The following GTF2IRD1 variants were observed in gnomAD, a reference collection of about 807,000 sequenced individuals.
GTF2IRD1 encodes the protein GTF2I repeat domain containing 1.
A neutral mutation model predicts 113.2 loss-of-function variants in GTF2IRD1; 26 were observed. That is an observed-to-expected ratio of 0.23 (90% confidence interval 0.17 to 0.32). The LOEUF is 0.32. Among genes scored for constraint, GTF2IRD1 ranks in the 10% least tolerant of loss-of-function variants. The probability of loss-of-function intolerance (pLI) is 1.00; values close to 1 mark genes in which losing one functional copy is unlikely to be tolerated. For synonymous variants in GTF2IRD1, 484 were observed against 529.1 expected (o/e 0.91, Z 1.17); for missense variants, 864 against 1,280.8 (o/e 0.67, Z 4.97).
intron 3 of GTF2IRD1, among the ~76,000 whole-genome samples, chr7:74,513,494 G>A (rs1189937003): frequency 1.3e-5 from 2 of 152,032 alleles, no homozygotes; most frequent in Non-Finnish European, 2.9e-5. Context: ...TAGTAGAGAC[G>A]GGGTTTCACC....
chr7:74,482,996 G>A (rs1190773393), intron 1 of GTF2IRD1, among the ~76,000 whole-genome samples: 2 of 152,198 alleles, frequency 1.3e-5, no homozygotes, highest in African/African-American at 4.8e-5. Flanking sequence ...AGGATGTTTT[G>A]TGGTGAATAG....
At chr7:74,578,734 GT>G (rs1396695824) in intron 22 of GTF2IRD1, among the ~76,000 whole-genome samples, 2 of 152,178 alleles carry the variant, frequency 1.3e-5, no homozygotes, top group Non-Finnish European at 2.9e-5. Context: ...GATGGCTCAT[GT>G]CTGTAAACCC....
At chr7:74,516,301 G>C (rs1320508272) in intron 4 of GTF2IRD1, among the ~76,000 whole-genome samples, 1 of 152,240 alleles carries the variant, frequency 6.6e-6, no homozygotes, top group African/African-American at 2.4e-5. Flanking sequence ...GAGCTCTCCA[G>C]AGTCAGGGGC....
chr7:74,584,990 C>T (rs1334658576), intron 22 of GTF2IRD1, among the ~76,000 whole-genome samples: 10 of 151,868 alleles, frequency 6.6e-5, no homozygotes, highest in East Asian at 1.9e-4. Flanking sequence ...TTAGTTGAGA[C>T]GGGGTTTCAC....
At chr7:74,508,640 G>A (rs1474113354) in intron 2 of GTF2IRD1, among the ~76,000 whole-genome samples, 5 of 150,702 alleles carry the variant, frequency 3.3e-5, no homozygotes, top group African/African-American at 7.4e-5. Flanking sequence ...GCAGTGAGCC[G>A]AGGTCGTGCC....
intron 1 of GTF2IRD1, among the ~76,000 whole-genome samples, chr7:74,463,763 G>A (rs61112507): frequency 4.7e-5 from 7 of 148,706 alleles, no homozygotes; most frequent in African/African-American, 1.2e-4. Flanking sequence ...TCACTCTGTC[G>A]CCCAGGCTGG....
intron 1 of GTF2IRD1, among the ~76,000 whole-genome samples, chr7:74,489,026 C>T (rs563307990): frequency 2.6e-5 from 4 of 151,766 alleles, no homozygotes; most frequent in African/African-American, 9.7e-5. Context: ...CCTGTAATCC[C>T]AGCTACTCAG....
At chr7:74,476,658 C>T (rs1794432236) in intron 1 of GTF2IRD1, among the ~76,000 whole-genome samples, 1 of 152,052 alleles carries the variant, frequency 6.6e-6, no homozygotes, top group Admixed American at 6.6e-5. Flanking sequence ...TACTCTCCTG[C>T]CTCTAGCCTT....
At chr7:74,526,246 C>T (rs1329782202) in intron 8 of GTF2IRD1, among the ~76,000 whole-genome samples, 1 of 152,246 alleles carries the variant, frequency 6.6e-6, no homozygotes, top group Non-Finnish European at 1.5e-5. Flanking sequence ...TCCTGAGTCA[C>T]ATCCAAAGAG....
chr7:74,480,944 G>T (rs769918054), intron 1 of GTF2IRD1, among the ~76,000 whole-genome samples: 1 of 152,088 alleles, frequency 6.6e-6, no homozygotes, highest in South Asian at 2.1e-4. Context: ...GGCAGATGGG[G>T]CTTCGCATGG....
rs2130749025 is a variant in GTF2IRD1, at chr7:74,555,284, G to C, written c.1966+61G>C. 6.5e-7 allele frequency: 1 copy of C among 1,533,458 alleles called. No homozygotes were observed. Among genetic ancestry groups the C allele is most frequent in the East Asian group, 2.3e-5 (1 of 44,266 alleles). 95.0% of individuals were successfully genotyped at this position (1,533,458 alleles called of 1,614,324 possible). On this transcript the variant is annotated intron_variant, in intron 18 of 26. Transcript: ENST00000424337. This position sits in a 1 kb window ranked among gnomAD's most constrained non-coding sequence, Gnocchi z 5.3. The stretch of plus-strand genomic sequence containing the variant: ...GGGCAAGGGAGGGCCCCAGGCCTCT[G>C]CCACCAGCCCCTCCTCCTGCTGCCT...
At chr7:74,574,528 G>A (rs1800897352) in intron 22 of GTF2IRD1, among the ~76,000 whole-genome samples, 1 of 149,792 alleles carries the variant, frequency 6.7e-6, no homozygotes, top group African/African-American at 2.5e-5. Flanking sequence ...GCACGATCAC[G>A]GCTCACTGCA....
chr7:74,585,859 C>G (rs1165264854), intron 22 of GTF2IRD1, among the ~76,000 whole-genome samples: 5 of 151,622 alleles, frequency 3.3e-5, no homozygotes, highest in African/African-American at 9.7e-5. Context: ...TCCAGTCCAG[C>G]CTGGGTGACA....
intron 1 of GTF2IRD1, among the ~76,000 whole-genome samples, chr7:74,456,666 G>A (rs1792996901): frequency 6.6e-6 from 1 of 151,270 alleles, no homozygotes; most frequent in Non-Finnish European, 1.5e-5. Flanking sequence ...CTGGGCAACA[G>A]AGCAAGACTC....
intron 1 of GTF2IRD1, among the ~76,000 whole-genome samples, chr7:74,478,260 A>G (rs1388583010): frequency 6.6e-6 from 1 of 152,216 alleles, no homozygotes; most frequent in Non-Finnish European, 1.5e-5. Flanking sequence ...AGGGGTGGAC[A>G]GCAGCTCGGC....
chr7:74,533,884 C>G (rs1374115015), intron 9 of GTF2IRD1, among the ~76,000 whole-genome samples: 1 of 152,080 alleles, frequency 6.6e-6, no homozygotes, highest in African/African-American at 2.4e-5. Flanking sequence ...TAAAACTTAG[C>G]TGGCATTGGT....
In GTF2IRD1 at chr7:74,521,286, A is replaced by G. The variant is rs781929855; in HGVS notation, c.995A>G (p.His332Arg). The G allele has an allele frequency of 1.2e-6, 2 of 1,607,686 alleles. No homozygotes were observed. The highest frequency in any genetic ancestry group is 2.2e-5 in the East Asian group (1 of 44,848). Residue 332 changes from histidine (H) to arginine (R), a missense_variant, in exon 7 of 27, where the codon CAT becomes CGT. This residue lies in a region of GTF2IRD1 where 195 missense variants were observed against 196.6 expected (regional missense o/e 0.99). Coordinates refer to ENST00000424337, the MANE Select transcript of GTF2IRD1 (RefSeq NM_005685.4). The part of the protein sequence containing the change: ...ASKRILFSIV[H>R]DKSEKWDAFI... The stretch of plus-strand genomic sequence containing the variant: ...AAGCGCATTCTCTTCTCCATCGTCC[A>G]TGACAAGTCAGGTAGGACAGCGCCC...
intron 1 of GTF2IRD1, chr7:74,507,467 G>T (rs1309344076): frequency 6.6e-6 from 1 of 152,330 alleles, no homozygotes; most frequent in African/African-American, 2.4e-5. Flanking sequence ...GTGAGACTCT[G>T]TCTCGAAATA....
intron 1 of GTF2IRD1, chr7:74,506,491 G>A (rs1378503949): frequency 1.3e-5 from 2 of 152,224 alleles, no homozygotes; most frequent in Non-Finnish European, 2.9e-5. Flanking sequence ...TCTGCAGGTA[G>A]GAGACAGAGG....
Sources: gnomAD v4.1 joint callset for allele counts (sites outside exome capture counted in the v4.1 genomes callset) on GRCh38, gnomAD v4.1.1 for gene constraint, gnomAD v4.1.1 regional missense constraint, Gnocchi (gnomAD v3.1) non-coding constraint, MANE v1.5 for transcripts, NCBI Gene and HGNC (gene_info 2026-07-23, HGNC 2026-07-21) for gene names.